The following UBE2E1 variants were observed in gnomAD, a reference collection of about 807,000 sequenced individuals.
The protein encoded by UBE2E1 is ubiquitin conjugating enzyme E2 E1, also known as ubiquitin-conjugating enzyme E2 E1.
In UBE2E1, 6 loss-of-function variants were observed where a neutral mutation model predicts 21.4. The observed-to-expected ratio is 0.28, with a 90% CI of 0.15 to 0.55. The LOEUF is 0.55. Among genes scored for constraint, UBE2E1 ranks in the 20% least tolerant of loss-of-function variants. The probability of loss-of-function intolerance (pLI) is 0.93; values close to 1 mark genes in which losing one functional copy is unlikely to be tolerated. For synonymous variants in UBE2E1, 87 were observed against 82.7 expected (o/e 1.05, Z -0.28); for missense variants, 142 against 236.5 (o/e 0.60, Z 2.62).
intron 2 of UBE2E1, among the ~76,000 whole-genome samples, chr3:23,809,039 C>T (rs1352052202): frequency 6.6e-6 from 1 of 152,062 alleles, no homozygotes; most frequent in African/African-American, 2.4e-5. Flanking sequence ...ACTAGACATA[C>T]TTTGTTTATT....
chr3:23,889,495 G>C (rs992066705), intron 5 of UBE2E1: 25 of 1,376,330 alleles, frequency 1.8e-5, no homozygotes, highest in South Asian at 9.0e-5. Flanking sequence ...ACGTAAGTTT[G>C]CCTTGGGCTT....
chr3:23,857,196 C>T (rs1401442298), intron 3 of UBE2E1, among the ~76,000 whole-genome samples: 1 of 151,240 alleles, frequency 6.6e-6, no homozygotes, highest in Non-Finnish European at 1.5e-5. Context: ...AAAGCTGGCC[C>T]AGCAGCCTGG....
rs1395794377 is a variant in UBE2E1 at position 23,887,075 on chromosome 3, T to C, written c.204-492T>C. The stretch of plus-strand genomic sequence containing the variant: ...TCCCACCTAACATGGACATACTTTT[T>C]ACATTATAAACCATCTATTAGATTC... On this transcript the variant is annotated intron_variant, in intron 3 of 5. Transcript: ENST00000306627. This position sits in a 1 kb window ranked among gnomAD's most constrained non-coding sequence, Gnocchi z 4.4. Among the ~76,000 whole-genome samples the C allele has an allele frequency of 6.6e-6, 1 of 152,220 alleles. No individual in the cohort carries two copies. Among genetic ancestry groups the C allele is most frequent in the Non-Finnish European group, 1.5e-5 (1 of 68,042 alleles).
intron 3 of UBE2E1, among the ~76,000 whole-genome samples, chr3:23,857,282 T>G (rs1379982359): frequency 6.6e-6 from 1 of 151,966 alleles, no homozygotes; most frequent in African/African-American, 2.4e-5. Context: ...AAGTTTGAAC[T>G]TTTTGTAACC....
At chr3:23,845,009 G>A (rs950268360) in intron 3 of UBE2E1, among the ~76,000 whole-genome samples, 1 of 152,102 alleles carries the variant, frequency 6.6e-6, no homozygotes, top group Admixed American at 6.6e-5. Context: ...ATGGTATAGG[G>A]AAATTGACTC....
rs181404277 is a variant in UBE2E1, at chr3:23,872,552, C to T, written c.204-15015C>T. On this transcript the variant is annotated intron_variant, in intron 3 of 5. Transcript: ENST00000306627. ...ACTCTTTGGTTTCAGGACCCCATTA[C>T]ACTCTTAAAATTTATTTCAGGCCCC... Among the ~76,000 whole-genome samples, 178 of 152,238 alleles carry T rather than the reference C, an allele frequency of 1.2e-3. 2 individuals carry two copies. Among genetic ancestry groups the T allele is most frequent in the Non-Finnish European group, 9.6e-4 (65 of 68,016 alleles).
At chr3:23,837,032 T>TC (rs1226768534) in intron 3 of UBE2E1, among the ~76,000 whole-genome samples, 4 of 152,190 alleles carry the variant, frequency 2.6e-5, no homozygotes, top group African/African-American at 9.6e-5. Flanking sequence ...ATCCTAGCTC[T>TC]CACATAATAG....
At chr3:23,834,015 G>GT (rs1291816422) in intron 3 of UBE2E1, among the ~76,000 whole-genome samples, 3 of 152,006 alleles carry the variant, frequency 2.0e-5, no homozygotes, top group African/African-American at 7.3e-5. Context: ...CAGAAGTTTT[G>GT]TATCAGAAAA....
At chr3:23,807,007 T>G in intron 1 of UBE2E1, 1 of 346,450 alleles carries the variant, frequency 2.9e-6, no homozygotes, top group Admixed American at 4.8e-5. Context: ...GGGGCCTCTC[T>G]CCTAGCTCCA....
rs923439166 is a variant in UBE2E1, at chr3:23,842,584, T to C, written c.203+31074T>C. On this transcript the variant is annotated intron_variant, in intron 3 of 5. Transcript: ENST00000306627. The surrounding 1 kb of genome is among the most constrained non-coding windows in gnomAD (Gnocchi z 4.6). ...GATATTTCAAGGCCTCCTTTTGTTA[T>C]GTAAGCTGAATTCATAGCTTGAGGA... 2.6e-5 allele frequency among the ~76,000 whole-genome samples: 4 copies of C among 152,348 alleles called. No individual in the cohort carries two copies. The highest frequency in any genetic ancestry group is 3.9e-4 in the East Asian group (2 of 5,190).
At chr3:23,807,163 G>A in intron 1 of UBE2E1, 74 bp from the exon 2 acceptor site, 2 of 1,339,864 alleles carry the variant, frequency 1.5e-6, no homozygotes, top group African/African-American at 2.9e-5. Flanking sequence ...ATGCCCTCCT[G>A]ACAGCACCCG....
At chr3:23,832,684 A>G (rs1018890769) in intron 3 of UBE2E1, among the ~76,000 whole-genome samples, 2 of 152,148 alleles carry the variant, frequency 1.3e-5, no homozygotes, top group Non-Finnish European at 2.9e-5. Flanking sequence ...ACAGTGAGCC[A>G]AGATCTTGCC....
rs1365101601 is a variant in UBE2E1 at position 23,889,088 on chromosome 3, TTGTC to T, written c.337-19_337-16del. 8 of 1,580,018 alleles carry T rather than the reference TTGTC, an allele frequency of 5.1e-6. No homozygotes were observed. The Admixed American group carries it at 5.5e-5, about 11-fold the overall frequency. ...AACAAGTTTGTTTGCTGTTTAAATA[TTGTC>T]TGTCACTTGTTTTTTTTAGGTTACA... is the stretch of plus-strand genomic sequence containing the variant. On this transcript the variant is annotated intron_variant, in intron 4 of 5. Transcript: ENST00000306627.
chr3:23,873,768 G>T (rs983080565), intron 3 of UBE2E1, among the ~76,000 whole-genome samples: 3 of 152,150 alleles, frequency 2.0e-5, no homozygotes, highest in Non-Finnish European at 4.4e-5. Context: ...TAAGAGACCG[G>T]CAGGAGAGTT....
chr3:23,849,744 A>G (rs1343682503), intron 3 of UBE2E1, among the ~76,000 whole-genome samples: 1 of 152,102 alleles, frequency 6.6e-6, no homozygotes. Flanking sequence ...CGTTTTCTTT[A>G]TCCAGTCTAT....
At chr3:23,878,624 A>T (rs1045858397) in intron 3 of UBE2E1, among the ~76,000 whole-genome samples, 8 of 152,198 alleles carry the variant, frequency 5.3e-5, no homozygotes, top group Admixed American at 2.6e-4. Context: ...TCAGATCAGC[A>T]ATGGCATTAG....
chr3:23,825,077 A>G (rs1575810164), intron 3 of UBE2E1, among the ~76,000 whole-genome samples: 1 of 152,248 alleles, frequency 6.6e-6, no homozygotes, highest in Admixed American at 6.5e-5. Context: ...GTAACATACT[A>G]CACACACATC....
chr3:23,859,769 C>A (rs1247797920), intron 3 of UBE2E1, among the ~76,000 whole-genome samples: 1 of 152,216 alleles, frequency 6.6e-6, no homozygotes, highest in Non-Finnish European at 1.5e-5. Context: ...ACTGTCTTCC[C>A]TGGTTTTTAA....
intron 3 of UBE2E1, among the ~76,000 whole-genome samples, chr3:23,882,833 CG>C (rs1180344706): frequency 6.6e-6 from 1 of 152,196 alleles, no homozygotes; most frequent in Admixed American, 6.5e-5. Context: ...GCTCCGAGTG[CG>C]GGGCTGCCAA....
Sources: gnomAD v4.1 joint callset for allele counts (sites outside exome capture counted in the v4.1 genomes callset) on GRCh38, gnomAD v4.1.1 for gene constraint, Gnocchi (gnomAD v3.1) non-coding constraint, MANE v1.5 for transcripts, NCBI Gene and HGNC (gene_info 2026-07-23, HGNC 2026-07-21) for gene names.